Variants in CNKSR2 observed in about 807,000 individuals in gnomAD.
The protein encoded by CNKSR2 is connector enhancer of kinase suppressor of Ras 2, also known as CNK homolog protein 2.
CNKSR2 carries 14 observed loss-of-function variants against 84.4 expected under a neutral mutation model. That is an observed-to-expected ratio of 0.17 (90% CI 0.11 to 0.26). The LOEUF (loss-of-function observed/expected upper bound fraction) is 0.26, where lower values mean the gene tolerates loss of function less well. Among genes scored for constraint, CNKSR2 ranks in the 10% least tolerant of loss-of-function variants. The pLI, the probability that CNKSR2 is intolerant of heterozygous loss-of-function variation, is 1.00. For missense variants in CNKSR2, 485 were observed against 771.2 expected (o/e 0.63, Z 4.40); for synonymous variants, 275 against 277.9 (o/e 0.99, Z 0.10).
intron 1 of CNKSR2, among the ~76,000 whole-genome samples, chrX:21,410,790 T>C (rs2090333308): frequency 9.6e-6 from 1 of 103,821 alleles, no homozygotes; most frequent in Non-Finnish European, 2.0e-5. Flanking sequence ...CACCAAAGGA[T>C]TGTGTGTGTG....
chrX:21,572,282 T>G (rs1423749519), intron 13 of CNKSR2, among the ~76,000 whole-genome samples: 1 of 112,148 alleles, frequency 8.9e-6, no homozygotes, highest in Non-Finnish European at 1.9e-5. Flanking sequence ...CTTTGATTCT[T>G]ATGGGCAAAT....
intron 8 of CNKSR2, among the ~76,000 whole-genome samples, chrX:21,502,479 T>C (rs1380558768): frequency 1.8e-5 from 2 of 110,008 alleles, no homozygotes; most frequent in Non-Finnish European, 3.8e-5. Flanking sequence ...CCTCGCTTAC[T>C]AACTCATCAG....
intron 13 of CNKSR2, among the ~76,000 whole-genome samples, chrX:21,565,064 GT>G (rs2092226333): frequency 9.0e-6 from 1 of 111,525 alleles, no homozygotes; most frequent in African/African-American, 3.3e-5. Flanking sequence ...CTGAACAAAA[GT>G]TTGAAGATGA....
At chrX:21,517,684 T>A (rs2091742017) in intron 9 of CNKSR2, among the ~76,000 whole-genome samples, 1 of 110,869 alleles carries the variant, frequency 9.0e-6, no homozygotes, top group African/African-American at 3.3e-5. Context: ...AAACGTACAT[T>A]TTAAAAATAA....
At position 21,611,771 on chromosome X, in the gene CNKSR2, A is replaced by G. The variant is rs769341634; in HGVS notation, c.2692+2154A>G. Among the ~76,000 whole-genome samples the G allele has an allele frequency of 3.6e-5, 4 of 111,678 alleles. No homozygotes were observed. In the Admixed American group the frequency reaches 3.8e-4, roughly 11 times the overall value. ...CTCTCTGTAGAATAATTGTTATAAG[A>G]TAGAACAGACCTAGTAAGTGTGTCA... On this transcript the variant is annotated intron_variant, in intron 20 of 21. Transcript: ENST00000379510.
intron 10 of CNKSR2, among the ~76,000 whole-genome samples, chrX:21,529,200 T>A (rs1241609601): frequency 1.8e-5 from 2 of 111,142 alleles, no homozygotes; most frequent in East Asian, 5.6e-4. Context: ...GGCAGAATTT[T>A]TTTCATGTGG....
intron 11 of CNKSR2, among the ~76,000 whole-genome samples, chrX:21,544,396 C>T (rs747327270): frequency 1.5e-4 from 17 of 111,397 alleles, no homozygotes; most frequent in Non-Finnish European, 3.0e-4. Context: ...AATCTGAAAA[C>T]AGTTCAGCCC....
At chrX:21,639,772 G>T in intron 20 of CNKSR2, among the ~76,000 whole-genome samples, 1 of 111,778 alleles carries the variant, frequency 8.9e-6, no homozygotes, top group Non-Finnish European at 1.9e-5. Flanking sequence ...TAAAGCAAGA[G>T]GTCTCAAACT....
intron 4 of CNKSR2, among the ~76,000 whole-genome samples, chrX:21,452,054 A>C (rs2090938472): frequency 9.0e-6 from 1 of 111,294 alleles, no homozygotes; most frequent in South Asian, 3.8e-4. Context: ...TACAGGGATT[A>C]CAGTCTCAAT....
At position 21,422,596 on chromosome X, in the gene CNKSR2, T is replaced by A. The variant is rs1036344256; in HGVS notation, c.65-3901T>A. On this transcript the variant is annotated intron_variant, in intron 1 of 21. Transcript: ENST00000379510. ...GGTCTACAATACAATGTAATTTTTTTAAATGTATTTTCAGCCTTGCTGTAA... is the reference window on the plus strand; with the variant it reads ...GGTCTACAATACAATGTAATTTTTTAAAATGTATTTTCAGCCTTGCTGTAA... Among the ~76,000 whole-genome samples the A allele has an allele frequency of 1.2e-4, 14 of 112,705 alleles. 1 individual carries two copies. The highest frequency in any genetic ancestry group is 1.1e-3 in the Admixed American group (12 of 10,688).
intron 20 of CNKSR2, among the ~76,000 whole-genome samples, chrX:21,636,358 G>A (rs773372530): frequency 9.0e-6 from 1 of 110,658 alleles, no homozygotes. Context: ...ACTATTTTCT[G>A]TCGGGGGTTC....
At chrX:21,410,211 A>G (rs749367924) in intron 1 of CNKSR2, among the ~76,000 whole-genome samples, 1 of 111,279 alleles carries the variant, frequency 9.0e-6, no homozygotes, top group East Asian at 2.8e-4. Flanking sequence ...GCCACACTCC[A>G]ACTAAATCAA....
intron 21 of CNKSR2, among the ~76,000 whole-genome samples, chrX:21,651,825 T>G (rs562496976): frequency 5.1e-4 from 57 of 111,985 alleles, no homozygotes; most frequent in East Asian, 2.8e-4. Context: ...AATTATGTAT[T>G]TGTGGTAACA....
intron 5 of CNKSR2, among the ~76,000 whole-genome samples, chrX:21,489,018 G>T (rs1056496684): frequency 1.8e-5 from 2 of 111,253 alleles, no homozygotes; most frequent in African/African-American, 3.3e-5. Flanking sequence ...GATTCACTGA[G>T]CCAGACTAAA....
chrX:21,556,191 C>T (rs1397643003), intron 11 of CNKSR2, among the ~76,000 whole-genome samples: 1 of 110,383 alleles, frequency 9.1e-6, no homozygotes, highest in African/African-American at 3.3e-5. Flanking sequence ...GAGGAAAGTC[C>T]CCTATTTACT....
intron 1 of CNKSR2, among the ~76,000 whole-genome samples, chrX:21,389,374 TAGG>T (rs1438783535): frequency 1.8e-5 from 2 of 110,018 alleles, no homozygotes; most frequent in Non-Finnish European, 3.8e-5. Context: ...ATATTAATAA[TAGG>T]AGAATATGGG....
At chrX:21,612,015 T>A (rs1602030359) in intron 20 of CNKSR2, among the ~76,000 whole-genome samples, 1 of 112,405 alleles carries the variant, frequency 8.9e-6, no homozygotes, top group South Asian at 3.7e-4. Context: ...GGAAGATGCT[T>A]ATTATTCAAT....
chrX:21,544,482 G>A (rs2092004092), intron 11 of CNKSR2, among the ~76,000 whole-genome samples: 2 of 111,829 alleles, frequency 1.8e-5, no homozygotes, highest in South Asian at 7.4e-4. Flanking sequence ...AAATAAAATG[G>A]TTGGAGAGCC....
chrX:21,425,542 T>C (rs2090554178), intron 1 of CNKSR2: 1 of 111,753 alleles, frequency 8.9e-6, no homozygotes, highest in African/African-American at 3.3e-5. Context: ...CTCTGTTTTT[T>C]CTATTCTCTT....
Sources: gnomAD v4.1 joint callset for allele counts (sites outside exome capture counted in the v4.1 genomes callset) on GRCh38, gnomAD v4.1.1 for gene constraint, MANE v1.5 for transcripts, NCBI Gene and HGNC (gene_info 2026-07-23, HGNC 2026-07-21) for gene names.